FAM227B: variants seen among roughly 807,000 people sequenced by gnomAD.
FAM227B encodes protein FAM227B.
Under a neutral mutation model 73.8 loss-of-function variants are expected in FAM227B, and 88 were observed. The observed-to-expected ratio is 1.19, with a 90% confidence interval of 1.00 to 1.42. FAM227B has a LOEUF of 1.42. Ranked by LOEUF, FAM227B falls within the 40% of genes most tolerant of loss-of-function variation. The pLI is 0.00. For synonymous variants in FAM227B, 210 were observed against 190.5 expected (o/e 1.10, Z -0.84); for missense variants, 632 against 590.9 (o/e 1.07, Z -0.72).
At chr15:49,615,939 C>T (rs1288619834) in intron 1 of FAM227B, among the ~76,000 whole-genome samples, 1 of 151,532 alleles carries the variant, frequency 6.6e-6, no homozygotes, top group Non-Finnish European at 1.5e-5. Context: ...ATTATGGTCT[C>T]AAAAAAAATG....
intron 11 of FAM227B, among the ~76,000 whole-genome samples, chr15:49,411,006 G>T (rs904868592): frequency 6.8e-6 from 1 of 147,910 alleles, no homozygotes; most frequent in Non-Finnish European, 1.5e-5. Context: ...ATCTGTGTGT[G>T]GGGGGGGTGG....
intron 11 of FAM227B, among the ~76,000 whole-genome samples, chr15:49,372,940 G>A (rs779147113): frequency 1.3e-4 from 19 of 151,904 alleles, no homozygotes; most frequent in African/African-American, 4.8e-5. Flanking sequence ...TTAAAGAATT[G>A]GTTAGCAAGG....
chr15:49,380,803 G>A (rs139413179), intron 11 of FAM227B, among the ~76,000 whole-genome samples: 1 of 151,808 alleles, frequency 6.6e-6, no homozygotes, highest in East Asian at 1.9e-4. Flanking sequence ...GATTTAATTG[G>A]CCCCTTGTGA....
intron 15 of FAM227B, chr15:49,328,989 AGTTT>A (rs2038053756): frequency 1.9e-6 from 2 of 1,037,650 alleles, no homozygotes; most frequent in Non-Finnish European, 2.3e-6. Flanking sequence ...CAGATAATTC[AGTTT>A]GTTCATAGAA....
At chr15:49,491,047 A>G (rs1319583441) in intron 11 of FAM227B, among the ~76,000 whole-genome samples, 1 of 151,930 alleles carries the variant, frequency 6.6e-6, no homozygotes, top group African/African-American at 2.4e-5. Flanking sequence ...GGAAGTAAAT[A>G]TTCTCACTTT....
intron 11 of FAM227B, among the ~76,000 whole-genome samples, chr15:49,505,553 A>G (rs1184850210): frequency 6.6e-6 from 1 of 152,112 alleles, no homozygotes; most frequent in Non-Finnish European, 1.5e-5. Flanking sequence ...CCAAGGTCCT[A>G]CATTTTAAGT....
At chr15:49,419,437 C>T (rs1181464193) in intron 11 of FAM227B, among the ~76,000 whole-genome samples, 1 of 152,168 alleles carries the variant, frequency 6.6e-6, no homozygotes, top group Non-Finnish European at 1.5e-5. Context: ...TTTTTTCCCT[C>T]AACCTTTCCT....
In FAM227B at chr15:49,609,789, A is replaced by G. The variant is rs564844468; in HGVS notation, c.105+1426T>C. Among the ~76,000 whole-genome samples, 65 of 152,126 alleles carry G rather than the reference A, an allele frequency of 4.3e-4. 1 individual carries two copies. In the South Asian group the frequency reaches 0.013, roughly 31 times the overall value. Reference sequence around the variant, plus strand: ...GGCAATGTATAAACATAGTCAAACCATAAAAAATAACTACAGAATATGGGT... The same window carrying G: ...GGCAATGTATAAACATAGTCAAACCGTAAAAAATAACTACAGAATATGGGT... On this transcript the variant is annotated intron_variant, in intron 3 of 15. Transcript: ENST00000299338.
chr15:49,576,862 A>G lies in FAM227B; in HGVS notation c.442-17T>C, dbSNP rs753443078. The G allele has an allele frequency of 1.0e-5, 15 of 1,471,266 alleles. No individual in the cohort carries two copies. The highest frequency in any genetic ancestry group is 8.4e-5 in the African/African-American group (6 of 71,450). The allele number at this position is 1,471,266 out of a possible 1,614,324, so 91.1% of individuals were successfully genotyped here. A position where few individuals can be genotyped will look rare whatever the true frequency, so the allele number is the denominator to read the frequency against. ...GCTGCAACCCTAGAAAGAGGAAAAT[A>G]TAACAGGAGAGTAAATATTTCACTC... On this transcript the variant is annotated splice_polypyrimidine_tract_variant and intron_variant, in intron 6 of 15. Transcript: ENST00000299338.
chr15:49,429,251 T>C (rs1391987990), intron 11 of FAM227B, among the ~76,000 whole-genome samples: 1 of 152,026 alleles, frequency 6.6e-6, no homozygotes, highest in Non-Finnish European at 1.5e-5. Context: ...CTTGTAGAAC[T>C]GGTGACCCGC....
chr15:49,504,114 A>C (rs2058380611), intron 11 of FAM227B, among the ~76,000 whole-genome samples: 1 of 152,166 alleles, frequency 6.6e-6, no homozygotes, highest in Admixed American at 6.5e-5. Flanking sequence ...TGATCAGTTC[A>C]TGTCCTTTGT....
intron 11 of FAM227B, among the ~76,000 whole-genome samples, chr15:49,506,412 A>G (rs897622554): frequency 1.3e-5 from 2 of 152,080 alleles, no homozygotes; most frequent in Admixed American, 1.3e-4. Flanking sequence ...CACAGGCTAC[A>G]GTTAGCTGAC....
intron 11 of FAM227B, among the ~76,000 whole-genome samples, chr15:49,381,963 A>G (rs545762088): frequency 6.6e-6 from 1 of 152,256 alleles, no homozygotes; most frequent in African/African-American, 2.4e-5. Flanking sequence ...TATTTAAGAA[A>G]TGTTTAGGAC....
intron 6 of FAM227B, 126 bp from the exon 7 acceptor site, chr15:49,576,971 C>G (rs1198050302): frequency 1.7e-6 from 1 of 586,706 alleles, no homozygotes; most frequent in Non-Finnish European, 2.9e-6. Flanking sequence ...CTTCTTTTTA[C>G]TAAATTAACT....
At chr15:49,332,622 G>C (rs1237543710) in intron 14 of FAM227B, among the ~76,000 whole-genome samples, 1 of 152,132 alleles carries the variant, frequency 6.6e-6, no homozygotes, top group Non-Finnish European at 1.5e-5. Context: ...CACAGATGAG[G>C]AAGAGAAACG....
intron 13 of FAM227B, among the ~76,000 whole-genome samples, chr15:49,344,442 T>C (rs2041173703): frequency 6.6e-6 from 1 of 152,220 alleles, no homozygotes; most frequent in African/African-American, 2.4e-5. Flanking sequence ...TCTGGTAATA[T>C]AGCATGGTAC....
intron 11 of FAM227B, among the ~76,000 whole-genome samples, chr15:49,494,451 A>G (rs988168013): frequency 3.3e-5 from 5 of 152,158 alleles, no homozygotes; most frequent in Non-Finnish European, 5.9e-5. Context: ...TCCATGTTAC[A>G]AGACGGACTT....
intron 5 of FAM227B, among the ~76,000 whole-genome samples, chr15:49,581,233 C>T (rs1372501302): frequency 6.6e-6 from 1 of 151,862 alleles, no homozygotes; most frequent in Non-Finnish European, 1.5e-5. Flanking sequence ...GAGAGAAGGG[C>T]AGGTAAACCT....
chr15:49,386,214 G>A (rs533437143), intron 11 of FAM227B, among the ~76,000 whole-genome samples: 12 of 151,528 alleles, frequency 7.9e-5, no homozygotes, highest in East Asian at 7.8e-4. Context: ...TCATGAGCAC[G>A]TGGAACATTC....
Sources: gnomAD v4.1 joint callset for allele counts (sites outside exome capture counted in the v4.1 genomes callset) on GRCh38, gnomAD v4.1.1 for gene constraint, MANE v1.5 for transcripts, NCBI Gene and HGNC (gene_info 2026-07-23, HGNC 2026-07-21) for gene names.